The following SPEN variants were observed in gnomAD, a reference collection of about 807,000 sequenced individuals.
SPEN encodes spen family transcriptional repressor, also known as msx2-interacting protein.
SPEN carries 18 observed loss-of-function variants against 269.9 expected under a neutral mutation model. The ratio of observed to expected loss-of-function variants is 0.07; its 90% CI spans 0.05 to 0.10. SPEN has a LOEUF of 0.10. Among genes scored for constraint, SPEN ranks in the 10% least tolerant of loss-of-function variants. The pLI, the probability that SPEN is intolerant of heterozygous loss-of-function variation, is 1.00. For synonymous variants in SPEN, 1,726 were observed against 1,765.7 expected (o/e 0.98, Z 0.56); for missense variants, 3,822 against 4,631.2 (o/e 0.83, Z 5.07).
chr1:15,886,290 T>A (rs1221989777), intron 3 of SPEN, among the ~76,000 whole-genome samples: 1 of 152,114 alleles, frequency 6.6e-6, no homozygotes, highest in Non-Finnish European at 1.5e-5. Context: ...TAGCCTTAGC[T>A]CTGGAAGCAG....
chr1:15,904,795 C>T (rs2070939566), intron 3 of SPEN, among the ~76,000 whole-genome samples: 2 of 150,848 alleles, frequency 1.3e-5, no homozygotes, highest in Non-Finnish European at 3.0e-5. Flanking sequence ...TATAATAAAT[C>T]TGTTTAAATG....
At chr1:15,855,514 A>T (rs2070377871) in intron 1 of SPEN, among the ~76,000 whole-genome samples, 1 of 152,172 alleles carries the variant, frequency 6.6e-6, no homozygotes, top group Non-Finnish European at 1.5e-5. Flanking sequence ...GTCTTTTACC[A>T]ATCAAATTGG....
intron 3 of SPEN, 55 bp downstream of exon 3, chr1:15,876,733 A>C: frequency 7.8e-7 from 1 of 1,275,142 alleles, no homozygotes; most frequent in Non-Finnish European, 1.1e-6. Flanking sequence ...CAAATTCTCA[A>C]CAATCAGTGG....
Position 15,916,151 on chromosome 1 carries a change from C to G in SPEN, c.1267C>G (p.Arg423Gly). 1 of 1,611,432 alleles carries G rather than the reference C, an allele frequency of 6.2e-7. No homozygotes were observed. The highest frequency in any genetic ancestry group is 8.5e-7 in the Non-Finnish European group (1 of 1,179,210). ...GPETESENEFRPLDERIDEFH... is the reference protein window; with the variant it reads ...GPETESENEFGPLDERIDEFH... ...AGAAACAGAAAGTGAAAATGAATTT[C>G]GCCCCTTGGATGAAAGGATAGATGA... The change falls in exon 6 of 15, where the codon CGC (arginine) becomes GGC (glycine). Residue 423 changes from arginine to glycine, a missense_variant. Arg to Gly is a moderately radical substitution (Grantham distance 125). Around this residue, in one of 16 missense-constraint regions of SPEN, gnomAD observed 230 missense variants for 426.1 expected, o/e 0.54. Transcript: ENST00000375759.
At chr1:15,884,057 G>A (rs1439971640) in intron 3 of SPEN, among the ~76,000 whole-genome samples, 3 of 152,020 alleles carry the variant, frequency 2.0e-5, no homozygotes, top group East Asian at 1.9e-4. Context: ...TGATCTGCCC[G>A]CTTTGGCCTC....
intron 3 of SPEN, among the ~76,000 whole-genome samples, chr1:15,887,531 A>G (rs1262399336): frequency 7.1e-6 from 1 of 140,646 alleles, no homozygotes; most frequent in Admixed American, 7.1e-5. Context: ...TCCTGACCTC[A>G]TGATCTGCCT....
rs2071231422 is a variant in SPEN, at chr1:15,932,435, A to G, written c.6195A>G (p.Lys2065=). The change falls in exon 11 of 15, where the codon AAA becomes AAG. Residue 2065 remains lysine (K), a synonymous_variant. Transcript: ENST00000375759. This position sits in a 1 kb window ranked among gnomAD's most constrained non-coding sequence, Gnocchi z 4.2. ...CCGCCCCTGTTGAAGTTGTAGAGAA[A>G]AAACCGGCCCCTGAAAAAAACTCCA... ...PETAPVEVVE[K]KPAPEKNSKS... 6.2e-7 allele frequency: 1 copy of G among 1,613,742 alleles called. No homozygotes were observed. Among genetic ancestry groups the G allele is most frequent in the Non-Finnish European group, 8.5e-7 (1 of 1,179,920 alleles).
In SPEN at chr1:15,939,978, C is replaced by T. The variant is rs2071324815; in HGVS notation, c.*551C>T. The T allele has an allele frequency of 4.3e-6, 1 of 232,040 alleles. No homozygotes were observed. Among genetic ancestry groups the T allele is most frequent in the African/African-American group, 2.2e-5 (1 of 45,116 alleles). 14.4% of individuals were successfully genotyped at this position (232,040 alleles called of 1,614,324 possible). On this transcript the variant is annotated 3_prime_UTR_variant, in exon 15 of 15. Transcript: ENST00000375759. The surrounding 1 kb of genome is among the most constrained non-coding windows in gnomAD (Gnocchi z 4.1). ...CTCCCTTGCTCATTTGGATGCGTCA[C>T]CTTAATTCTCCTGCTGCCACCGTCT...
intron 3 of SPEN, among the ~76,000 whole-genome samples, chr1:15,904,479 T>TAAAAAAAAAAAAAAA (rs1557750239): frequency 5.1e-4 from 41 of 81,100 alleles, no homozygotes; most frequent in Admixed American, 1.4e-3. Context: ...AAAAAAAAAG[T>TAAAAAAAAAAAAAAA]GAACTAAAAA....
chr1:15,872,768 T>C (rs2070594414), intron 1 of SPEN, 48 bp from the exon 2 acceptor site: 1 of 1,445,938 alleles, frequency 6.9e-7, no homozygotes, highest in African/African-American at 1.4e-5. Context: ...AAACTCATTT[T>C]GGAAAATTAT....
Position 15,929,303 on chromosome 1 carries a change from C to T in SPEN, c.3063C>T (p.Asp1021=), listed in dbSNP as rs374013200. The T allele has an allele frequency of 6.4e-5, 104 of 1,614,138 alleles. No homozygotes were observed. Among genetic ancestry groups the T allele is most frequent in the African/African-American group, 9.3e-5 (7 of 75,020 alleles). The part of the protein sequence containing the change: ...DARVLSKKQP[D]VSSREVILLR... ...GCGTGCTTTCAAAAAAGCAGCCTGA[C>T]GTGTCCTCTAGAGAGGTCATTCTGC... The change falls in exon 11 of 15, where the codon GAC becomes GAT. Residue 1021 remains aspartate (D), a synonymous_variant. Coordinates refer to ENST00000375759, the MANE Select transcript of SPEN (RefSeq NM_015001.3). The surrounding 1 kb of genome is among the most constrained non-coding windows in gnomAD (Gnocchi z 5.8).
chr1:15,851,768 A>G (rs190826113), intron 1 of SPEN, among the ~76,000 whole-genome samples: 1 of 152,178 alleles, frequency 6.6e-6, no homozygotes, highest in Non-Finnish European at 1.5e-5. Flanking sequence ...GCGGGTCACG[A>G]AGTCAAGAGT....
In SPEN at chr1:15,931,722, G is replaced by A. The variant is rs761923759; in HGVS notation, c.5482G>A (p.Val1828Ile). The A allele has an allele frequency of 2.5e-6, 4 of 1,614,038 alleles. No homozygotes were observed. Among genetic ancestry groups the A allele is most frequent in the African/African-American group, 2.7e-5 (2 of 74,900 alleles). Residue 1828 changes from valine (V) to isoleucine (I), a missense_variant, in exon 11 of 15, where the codon GTT (valine) becomes ATT (isoleucine). Val to Ile is a conservative substitution (Grantham distance 29). Transcript: ENST00000375759. This position sits in a 1 kb window ranked among gnomAD's most constrained non-coding sequence, Gnocchi z 4.8. Reference protein sequence around the residue: ...PNKSKRSKTPVQAAAVSIVEK... With the variant: ...PNKSKRSKTPIQAAAVSIVEK... ...CAAAAGCAAGCGTTCAAAGACCCCT[G>A]TTCAGGCAGCTGCAGTGAGTATCGT...
intron 6 of SPEN, among the ~76,000 whole-genome samples, chr1:15,918,429 G>C (rs1340109126): frequency 1.3e-5 from 2 of 152,198 alleles, no homozygotes; most frequent in East Asian, 3.9e-4. Context: ...GTGTTGGCCA[G>C]GCTGGTGTCG....
At chr1:15,879,004 CAAAAAAAAAA>C (rs3048559) in intron 3 of SPEN, among the ~76,000 whole-genome samples, 6 of 76,564 alleles carry the variant, frequency 7.8e-5, no homozygotes, top group African/African-American at 2.8e-4. Flanking sequence ...GACTCTGTCT[CAAAAAAAAAA>C]AAAAAAAAAA....
chr1:15,926,359 C>G (rs758534920), intron 10 of SPEN, among the ~76,000 whole-genome samples: 1 of 151,780 alleles, frequency 6.6e-6, no homozygotes, highest in African/African-American at 2.4e-5. Context: ...GATTGTGCCA[C>G]TGCACTCCAG....
chr1:15,878,979 G>C lies in SPEN; in HGVS notation c.881+2301G>C, dbSNP rs921870519. 2.2e-5 allele frequency among the ~76,000 whole-genome samples: 3 copies of C among 136,210 alleles called. No homozygotes were observed. In the Admixed American group the frequency reaches 2.3e-4, roughly 11 times the overall value. 89.4% of individuals were successfully genotyped at this position (136,210 alleles called of 152,430 possible). A position where few individuals can be genotyped will look rare whatever the true frequency, so the allele number is the denominator to read the frequency against. ...GAGCAAGCCACTGCACTCCAGCCTG[G>C]GTGACAGATGATGAGACTCTGTCTC... On this transcript the variant is annotated intron_variant, in intron 3 of 14. Coordinates refer to ENST00000375759, the MANE Select transcript of SPEN (RefSeq NM_015001.3).
chr1:15,861,771 G>T (rs537096910), intron 1 of SPEN, among the ~76,000 whole-genome samples: 6 of 152,240 alleles, frequency 3.9e-5, no homozygotes, highest in Non-Finnish European at 7.4e-5. Flanking sequence ...GCCGGGTGCG[G>T]TGGCTCACTC....
chr1:15,878,505 A>G lies in SPEN; in HGVS notation c.881+1827A>G, dbSNP rs2070654571. 2.0e-5 allele frequency among the ~76,000 whole-genome samples: 3 copies of G among 151,868 alleles called. No individual in the cohort carries two copies. In the South Asian group the frequency reaches 6.2e-4, roughly 31 times the overall value. On this transcript the variant is annotated intron_variant, in intron 3 of 14. Coordinates refer to ENST00000375759, the MANE Select transcript of SPEN (RefSeq NM_015001.3). The stretch of plus-strand genomic sequence containing the variant: ...TTCAAGCCGTGTGACATGGATGAAA[A>G]CTCTTAACTTCTTTTGATTTTATTT...
Sources: gnomAD v4.1 joint callset for allele counts (sites outside exome capture counted in the v4.1 genomes callset) on GRCh38, gnomAD v4.1.1 for gene constraint, gnomAD v4.1.1 regional missense constraint, Gnocchi (gnomAD v3.1) non-coding constraint, MANE v1.5 for transcripts, NCBI Gene and HGNC (gene_info 2026-07-23, HGNC 2026-07-21) for gene names.